Variants in DPYD observed in about 807,000 individuals in gnomAD.
The protein encoded by DPYD is dihydropyrimidine dehydrogenase [NADP(+)].
Under a neutral mutation model 116.2 loss-of-function variants are expected in DPYD, and 109 were observed. The observed-to-expected ratio is 0.94, with a 90% CI of 0.80 to 1.10. The LOEUF (loss-of-function observed/expected upper bound fraction) is 1.10. DPYD is among the 50% of genes least tolerant of loss of function. The pLI is 0.00. For missense variants in DPYD, 1,302 were observed against 1,254.5 expected (o/e 1.04, Z -0.57); for synonymous variants, 440 against 432.0 (o/e 1.02, Z -0.23).
intron 20 of DPYD, among the ~76,000 whole-genome samples, chr1:97,124,116 ATT>A (rs1652655893): frequency 6.6e-6 from 1 of 152,110 alleles, no homozygotes; most frequent in African/African-American, 2.4e-5. Context: ...TAACTGGTGA[ATT>A]TATGGTTTGA....
chr1:97,251,611 A>G (rs1356699388), intron 18 of DPYD, among the ~76,000 whole-genome samples: 1 of 152,054 alleles, frequency 6.6e-6, no homozygotes, highest in East Asian at 1.9e-4. Context: ...CAATGCTTTT[A>G]AAGAAGCCAC....
chr1:97,254,660 A>C (rs1172356616), intron 18 of DPYD, among the ~76,000 whole-genome samples: 3 of 152,216 alleles, frequency 2.0e-5, no homozygotes, highest in Admixed American at 1.3e-4. Context: ...TACATTAAAC[A>C]GAGTGGATGA....
chr1:97,638,715 G>T (rs971973226), intron 8 of DPYD, among the ~76,000 whole-genome samples: 5 of 152,088 alleles, frequency 3.3e-5, no homozygotes, highest in Non-Finnish European at 7.4e-5. Flanking sequence ...CAGAAGGGAG[G>T]GGGAGCTGGT....
intron 20 of DPYD, among the ~76,000 whole-genome samples, chr1:97,133,180 G>A (rs1357410458): frequency 6.6e-6 from 1 of 151,752 alleles, no homozygotes; most frequent in East Asian, 1.9e-4. Flanking sequence ...CATTAATTCT[G>A]CCACACTTAT....
intron 13 of DPYD, among the ~76,000 whole-genome samples, chr1:97,474,911 T>A (rs1677868019): frequency 6.6e-6 from 1 of 152,114 alleles, no homozygotes; most frequent in Non-Finnish European, 1.5e-5. Context: ...CCAACTTTTA[T>A]CTATAAAAAT....
intron 1 of DPYD, among the ~76,000 whole-genome samples, chr1:97,914,281 T>C (rs1330534755): frequency 2.6e-5 from 4 of 152,160 alleles, no homozygotes; most frequent in African/African-American, 9.7e-5. Context: ...CTAAAAGAGT[T>C]ATTCATAAGC....
chr1:97,133,664 A>G (rs1448169698), intron 20 of DPYD, among the ~76,000 whole-genome samples: 2 of 152,008 alleles, frequency 1.3e-5, no homozygotes, highest in Non-Finnish European at 2.9e-5. Context: ...GAAAACTTCT[A>G]TGATACACAT....
intron 14 of DPYD, among the ~76,000 whole-genome samples, chr1:97,434,217 C>T (rs1388380853): frequency 6.6e-6 from 1 of 152,042 alleles, no homozygotes; most frequent in Non-Finnish European, 1.5e-5. Context: ...CAGAAAATTT[C>T]CTTTTGGCTG....
intron 19 of DPYD, among the ~76,000 whole-genome samples, chr1:97,232,948 T>G (rs1474076518): frequency 1.3e-5 from 2 of 152,202 alleles, no homozygotes; most frequent in African/African-American, 2.4e-5. Flanking sequence ...TCCTGGGTCT[T>G]GGTATCATGA....
chr1:97,886,824 G>A (rs1406873493), intron 1 of DPYD, among the ~76,000 whole-genome samples: 1 of 152,000 alleles, frequency 6.6e-6, no homozygotes, highest in Non-Finnish European at 1.5e-5. Flanking sequence ...AAGGCAGGTA[G>A]TTCATAAGGG....
rs144474633 is a variant in DPYD at position 97,495,168 on chromosome 1, A to G, written c.1740+20558T>C. Among the ~76,000 whole-genome samples the G allele has an allele frequency of 7.0e-3, 1,066 of 152,232 alleles. 16 individuals carry two copies. The highest frequency in any genetic ancestry group is 0.024 in the African/African-American group (984 of 41,540). The stretch of plus-strand genomic sequence containing the variant: ...GAAGAGGTTGGTGGGAGGAATTAAG[A>G]CTAAGAGAAAGTTAAGATGAGAGAG... On this transcript the variant is annotated intron_variant, in intron 13 of 22. Coordinates refer to ENST00000370192, the MANE Select transcript of DPYD (RefSeq NM_000110.4).
intron 12 of DPYD, among the ~76,000 whole-genome samples, chr1:97,534,082 C>A (rs1306447400): frequency 6.6e-6 from 1 of 152,074 alleles, no homozygotes; most frequent in Non-Finnish European, 1.5e-5. Context: ...AAAACCTACC[C>A]ATTGTTTCAA....
intron 19 of DPYD, among the ~76,000 whole-genome samples, chr1:97,216,703 G>A (rs555288226): frequency 2.0e-5 from 3 of 152,262 alleles, no homozygotes; most frequent in East Asian, 1.9e-4. Flanking sequence ...ACTGAGGCAG[G>A]AGAATTGTTT....
chr1:97,809,759 A>C (rs1455547043), intron 3 of DPYD, among the ~76,000 whole-genome samples: 1 of 152,084 alleles, frequency 6.6e-6, no homozygotes, highest in Non-Finnish European at 1.5e-5. Flanking sequence ...AACCAAAAAT[A>C]CTGGAGAAGA....
chr1:97,630,090 C>T (rs144151415), intron 8 of DPYD, among the ~76,000 whole-genome samples: 52 of 151,624 alleles, frequency 3.4e-4, no homozygotes, highest in African/African-American at 1.2e-3. Flanking sequence ...TATATTATGA[C>T]AGTTTGTTTA....
intron 5 of DPYD, among the ~76,000 whole-genome samples, chr1:97,715,843 A>G (rs1662582838): frequency 6.6e-6 from 1 of 152,078 alleles, no homozygotes. Context: ...ACAGAAATAC[A>G]TTATTTCAGA....
chr1:97,533,084 T>C (rs191266272), intron 12 of DPYD, among the ~76,000 whole-genome samples: 4 of 152,040 alleles, frequency 2.6e-5, no homozygotes, highest in Non-Finnish European at 5.9e-5. Context: ...TGGTATTTTG[T>C]GTTTTTGTTT....
intron 16 of DPYD, among the ~76,000 whole-genome samples, chr1:97,313,183 A>G (rs1488672723): frequency 2.0e-5 from 3 of 151,968 alleles, no homozygotes; most frequent in Non-Finnish European, 4.4e-5. Flanking sequence ...AACCTGACAC[A>G]TAGTAGGCAT....
chr1:97,619,362 G>A (rs898141653), intron 8 of DPYD, among the ~76,000 whole-genome samples: 4 of 152,094 alleles, frequency 2.6e-5, no homozygotes, highest in African/African-American at 9.7e-5. Flanking sequence ...CTGGTTGACA[G>A]GACAAAATAC....
Sources: allele counts gnomAD v4.1 joint callset (sites outside exome capture counted in the v4.1 genomes callset), GRCh38; gene constraint gnomAD v4.1.1; transcripts MANE v1.5; gene names NCBI Gene and HGNC (gene_info 2026-07-23, HGNC 2026-07-21).